STK4: variants seen among roughly 807,000 people sequenced by gnomAD.
STK4 encodes serine/threonine kinase 4, also known as serine/threonine-protein kinase 4.
STK4 carries 30 observed loss-of-function variants against 64.9 expected under a neutral mutation model. That is an observed-to-expected ratio of 0.46 (90% CI 0.35 to 0.63). The LOEUF is 0.63. Among genes scored for constraint, STK4 ranks in the 20% least tolerant of loss-of-function variants. STK4 has a pLI of 0.01. For missense variants in STK4, 466 were observed against 598.5 expected, an observed-to-expected ratio of 0.78 and a Z score of 2.31; for synonymous variants, 177 against 199.0, an observed-to-expected ratio of 0.89 and a Z score of 0.93.
At chr20:44,967,371 CA>C in intron 1 of STK4, 1 of 345,894 alleles carries the variant, frequency 2.9e-6, no homozygotes, top group Non-Finnish European at 4.1e-6. Flanking sequence ...TGAACCCTGC[CA>C]GTCTGTGCCC....
intron 10 of STK4, among the ~76,000 whole-genome samples, chr20:45,068,403 C>T (rs916820157): frequency 6.6e-6 from 1 of 152,176 alleles, no homozygotes; most frequent in African/African-American, 2.4e-5. Flanking sequence ...TCAGCAGCAG[C>T]ACCATGTGTG....
intron 8 of STK4, 50 bp from the exon 9 acceptor site, chr20:45,001,117 C>A: frequency 6.4e-7 from 1 of 1,560,254 alleles, no homozygotes; most frequent in South Asian, 1.2e-5. Flanking sequence ...TCAGAAAACT[C>A]AAAGTCTTTT....
intron 10 of STK4, among the ~76,000 whole-genome samples, chr20:45,067,647 G>T: frequency 6.6e-6 from 1 of 152,246 alleles, no homozygotes; most frequent in East Asian, 1.9e-4. Context: ...CTAATTGTCA[G>T]TGTAATTCCT....
intron 9 of STK4, among the ~76,000 whole-genome samples, chr20:45,020,524 G>A (rs1254457331): frequency 2.0e-5 from 3 of 151,862 alleles, no homozygotes; most frequent in Non-Finnish European, 4.4e-5. Flanking sequence ...CTGAAACTGT[G>A]TCAGTTAGCT....
At chr20:44,969,589 A>G (rs1299467602) in intron 1 of STK4, among the ~76,000 whole-genome samples, 1 of 152,190 alleles carries the variant, frequency 6.6e-6, no homozygotes, top group Non-Finnish European at 1.5e-5. Flanking sequence ...CCATTAGATT[A>G]ATGTTATAGT....
At chr20:45,068,091 C>T (rs572982179) in intron 10 of STK4, among the ~76,000 whole-genome samples, 10 of 152,308 alleles carry the variant, frequency 6.6e-5, no homozygotes, top group African/African-American at 2.4e-4. Flanking sequence ...CTTACCAATA[C>T]CTCCAAACCT....
In STK4 at chr20:45,001,327, A is replaced by T. The variant is rs746855384; in HGVS notation, c.1121A>T (p.Asp374Val). The change falls in exon 9 of 11, where the codon GAT (aspartate) becomes GTT (valine). Residue 374 changes from aspartate (D) to valine (V), a missense_variant. By Grantham distance (152) the Asp-to-Val change is radical (BLOSUM62 -3). Transcript: ENST00000372806. Reference protein sequence around the residue: ...QLGTMVINAEDEEEEGTMKRR... With the variant: ...QLGTMVINAEVEEEEGTMKRR... ...GGCACCATGGTGATCAATGCAGAGGATGAGGAAGAGGAAGGAACTATGAAA... is the reference window on the plus strand; with the variant it reads ...GGCACCATGGTGATCAATGCAGAGGTTGAGGAAGAGGAAGGAACTATGAAA... The T allele has an allele frequency of 6.2e-7, 1 of 1,612,058 alleles. No individual in the cohort carries two copies. The highest frequency in any genetic ancestry group is 8.5e-7 in the Non-Finnish European group (1 of 1,178,260).
In STK4 at chr20:44,966,576, C is replaced by T; in HGVS notation, c.8C>T (p.Thr3Met). Residue 3 changes from threonine to methionine, a missense_variant, in exon 1 of 11, where the codon ACG (threonine) becomes ATG (methionine). Transcript: ENST00000372806. ...GCGGCTGCTGGCAGCGCCATGGAGA[C>T]GGTACAGCTGAGGAACCCGCCGCGC... ME[T>M]VQLRNPPRRQ... 1.6e-6 allele frequency: 2 copies of T among 1,268,026 alleles called. No individual in the cohort carries two copies. Among genetic ancestry groups the T allele is most frequent in the Non-Finnish European group, 2.0e-6 (2 of 997,846 alleles). 78.5% of individuals were successfully genotyped at this position (1,268,026 alleles called of 1,614,324 possible).
At chr20:44,995,605 CAAAAAA>C (rs60140206) in intron 6 of STK4, among the ~76,000 whole-genome samples, 3 of 54,550 alleles carry the variant, frequency 5.5e-5, no homozygotes, top group East Asian at 6.9e-4. Flanking sequence ...GACTCCATCT[CAAAAAA>C]AAAAAAAAAA....
intron 10 of STK4, among the ~76,000 whole-genome samples, chr20:45,069,081 G>A (rs1003891041): frequency 6.6e-6 from 1 of 152,202 alleles, no homozygotes; most frequent in Non-Finnish European, 1.5e-5. Context: ...TAAAGGCGAT[G>A]GTGAGGGAAT....
At chr20:45,024,622 T>A (rs1273847003) in intron 9 of STK4, among the ~76,000 whole-genome samples, 1 of 152,222 alleles carries the variant, frequency 6.6e-6, no homozygotes, top group Non-Finnish European at 1.5e-5. Flanking sequence ...TGCTTCTGTC[T>A]CATTCTAAAT....
At chr20:44,969,900 G>A (rs1461124485) in intron 1 of STK4, among the ~76,000 whole-genome samples, 1 of 152,096 alleles carries the variant, frequency 6.6e-6, no homozygotes, top group Non-Finnish European at 1.5e-5. Context: ...TACTTCTTAG[G>A]TGAAATTCTG....
intron 5 of STK4, among the ~76,000 whole-genome samples, chr20:44,994,838 TTTTTG>T (rs1384449582): frequency 6.6e-6 from 1 of 152,146 alleles, no homozygotes; most frequent in African/African-American, 2.4e-5. Context: ...GTCATTTTAG[TTTTTG>T]TTTTAATAAT....
intron 9 of STK4, among the ~76,000 whole-genome samples, chr20:45,007,598 C>T (rs1329888406): frequency 6.6e-6 from 1 of 152,188 alleles, no homozygotes. Context: ...ATGCTCTCTT[C>T]ATTCCACAGA....
chr20:45,015,260 A>T (rs976732577), intron 9 of STK4, among the ~76,000 whole-genome samples: 3 of 152,118 alleles, frequency 2.0e-5, no homozygotes, highest in African/African-American at 7.2e-5. Context: ...GCTGCATAAG[A>T]TAGGAATTCT....
At chr20:45,031,677 G>A (rs192942970) in intron 10 of STK4, among the ~76,000 whole-genome samples, 2 of 152,206 alleles carry the variant, frequency 1.3e-5, no homozygotes, top group East Asian at 1.9e-4. Context: ...CGAGGCAGGC[G>A]GACCACGTGA....
chr20:45,001,123 C>A (rs556813902), intron 8 of STK4, 44 bp from the exon 9 acceptor site: 2 of 1,569,358 alleles, frequency 1.3e-6, no homozygotes, highest in Admixed American at 1.8e-5. Context: ...AACTCAAAGT[C>A]TTTTGTCAAA....
intron 1 of STK4, chr20:44,970,539 T>C (rs1403546008): frequency 6.6e-6 from 1 of 152,252 alleles, no homozygotes; most frequent in Non-Finnish European, 1.5e-5. Flanking sequence ...TTCTGACTTC[T>C]GAGTTTATAG....
intron 10 of STK4, among the ~76,000 whole-genome samples, chr20:45,048,751 G>A (rs1290671530): frequency 3.3e-5 from 5 of 152,066 alleles, no homozygotes; most frequent in Non-Finnish European, 7.4e-5. Flanking sequence ...CAAAGTGCTG[G>A]AATTACAGGC....
Sources: gnomAD v4.1 joint callset for allele counts (sites outside exome capture counted in the v4.1 genomes callset) on GRCh38, gnomAD v4.1.1 for gene constraint, MANE v1.5 for transcripts, NCBI Gene and HGNC (gene_info 2026-07-23, HGNC 2026-07-21) for gene names.